Variants in CD177 observed in about 807,000 individuals in gnomAD.
The protein encoded by CD177 is CD177 molecule.
In CD177, 41 loss-of-function variants were observed where a neutral mutation model predicts 38.1. That is an observed-to-expected ratio of 1.07 (90% CI 0.84 to 1.39). CD177 has a LOEUF of 1.39. CD177 is among the 40% of genes most tolerant of loss of function. CD177 has a pLI of 0.00. For synonymous variants in CD177, 236 were observed against 216.7 expected (o/e 1.09, Z -0.78); for missense variants, 619 against 523.8 (o/e 1.18, Z -1.77).
In CD177 at chr19:43,353,969, G is replaced by C. The variant is rs929905307; in HGVS notation, c.169G>C (p.Asp57His). The C allele has an allele frequency of 1.2e-6, 2 of 1,613,848 alleles. No homozygotes were observed. The highest frequency in any genetic ancestry group is 1.7e-6 in the Non-Finnish European group (2 of 1,179,820). Residue 57 changes from aspartate (D) to histidine (H), a missense_variant, in exon 2 of 9, where the codon GAC becomes CAC. Physicochemically the swap from Asp to His is moderately conservative, Grantham distance 81 (BLOSUM62 -1). Transcript: ENST00000618265. ...TSCDSGLGCQ[D>H]TLMLIESGPQ... ...CTGCGACAGCGGCTTGGGGTGCCAG[G>C]ACACGTTGATGCTCATTGAGAGCGG...
intron 3 of CD177, among the ~76,000 whole-genome samples, chr19:43,355,096 T>C (rs1969905208): frequency 1.2e-5 from 1 of 86,302 alleles, no homozygotes; most frequent in Admixed American, 1.5e-4. Context: ...CACCCCCCCT[T>C]TTCTTTTCTT....
chr19:43,355,631 G>GC (rs1969917187), intron 3 of CD177, 30 bp from the exon 4 acceptor site: 1 of 1,611,558 alleles, frequency 6.2e-7, no homozygotes, highest in Admixed American at 1.7e-5. Context: ...CCCTCTCAGT[G>GC]CCCCCTCACT....
At chr19:43,361,693 G>A (rs1301171934) in intron 8 of CD177, 114 bp downstream of exon 8, 27 of 1,125,480 alleles carry the variant, frequency 2.4e-5, no homozygotes, top group Non-Finnish European at 3.2e-5. Context: ...GAGGCGCTGG[G>A]GGCCTGGACT....
rs747296019 is a variant in CD177 at position 43,354,393 on chromosome 19, G to T, written c.379+1G>T. On this transcript the variant is annotated splice_donor_variant, in intron 3 of 8. Coordinates refer to ENST00000618265, the MANE Select transcript of CD177 (RefSeq NM_020406.4). LOFTEE classifies it high-confidence loss of function. Reference sequence around the variant, plus strand: ...CTTTGGGCCCCACAGCCCCCAGCAGGTGCCTGCGGGAGGGTCGGGAGGAGA... The same window carrying T: ...CTTTGGGCCCCACAGCCCCCAGCAGTTGCCTGCGGGAGGGTCGGGAGGAGA... 3 of 1,613,776 alleles carry T rather than the reference G, an allele frequency of 1.9e-6. No individual in the cohort carries two copies. Among genetic ancestry groups the T allele is most frequent in the Non-Finnish European group, 2.5e-6 (3 of 1,179,834 alleles).
At chr19:43,361,961 G>A (rs1281932626) in intron 8 of CD177, 127 bp from the exon 9 acceptor site, 45 of 743,694 alleles carry the variant, frequency 6.1e-5, no homozygotes, top group Middle Eastern at 2.8e-4. Context: ...CCCTGGGTCT[G>A]AGGAGCTGGA....
At chr19:43,360,870 G>T in intron 6 of CD177, 2 of 561,026 alleles carry the variant, frequency 3.6e-6, no homozygotes, top group South Asian at 4.6e-5. Context: ...GATAGGAAAA[G>T]TGAGGGGAAG....
At chr19:43,363,595 T>C (rs960544866), downstream of CD177, among the ~76,000 whole-genome samples, 7 of 152,138 alleles carry the variant, frequency 4.6e-5, no homozygotes, top group Non-Finnish European at 1.0e-4. Context: ...AGGTTCCCCA[T>C]TGACTGAACC....
At chr19:43,356,255 G>C in intron 5 of CD177, 147 bp downstream of exon 5, 1 of 232,288 alleles carries the variant, frequency 4.3e-6, no homozygotes, top group Non-Finnish European at 7.6e-6. Context: ...AGGCAACAGT[G>C]AGTGCTGGGG....
intron 8 of CD177, 74 bp downstream of exon 8, chr19:43,361,653 C>A: frequency 6.9e-7 from 1 of 1,458,538 alleles, no homozygotes; most frequent in Admixed American, 2.0e-5. Flanking sequence ...GGAGGAGGGG[C>A]TGGGGGCCTG....
Position 43,362,346 on chromosome 19 carries a change from C to G in CD177, c.*26C>G. The stretch of plus-strand genomic sequence containing the variant: ...CTCTATTACCCCCACGATTCTTCAC[C>G]GCTGCTGACCACCCACACTCAACCT... On this transcript the variant is annotated 3_prime_UTR_variant, in exon 9 of 9. Transcript: ENST00000618265. 9.2e-7 allele frequency: 1 copy of G among 1,081,764 alleles called. No individual in the cohort carries two copies. Among genetic ancestry groups the G allele is most frequent in the Non-Finnish European group, 1.4e-6 (1 of 740,548 alleles). 67.0% of individuals were successfully genotyped at this position (1,081,764 alleles called of 1,614,324 possible). A position where few individuals can be genotyped will look rare whatever the true frequency, so the allele number is the denominator to read the frequency against.
At position 43,355,665 on chromosome 19, in the gene CD177, A is replaced by C; in HGVS notation, c.384A>C (p.Pro128=). ...CTCTGTCTGTCACTTTCCTAGACCC[A>C]GGATCCTTGAGGTGCCCAGTCTGCT... ...PLWAPQPPAD[P]GSLRCPVCLS... The change falls in exon 4 of 9, where the codon CCA becomes CCC. Residue 128 remains proline (P), a synonymous_variant. Coordinates refer to ENST00000618265, the MANE Select transcript of CD177 (RefSeq NM_020406.4). The C allele has an allele frequency of 6.2e-7, 1 of 1,612,482 alleles. No individual in the cohort carries two copies. The highest frequency in any genetic ancestry group is 8.5e-7 in the Non-Finnish European group (1 of 1,179,138).
At position 43,354,103 on chromosome 19, in the gene CD177, T is replaced by C. The variant is rs1293716239; in HGVS notation, c.194-104T>C. On this transcript the variant is annotated intron_variant, in intron 2 of 8. Transcript: ENST00000618265. ...GGGGGATCGACTCCTAGGGTCCCGG[T>C]GATCCCCTTTCCAGCCTCTCAGCCT... 6 of 1,560,688 alleles carry C rather than the reference T, an allele frequency of 3.8e-6. No homozygotes were observed. The Admixed American group carries it at 1.1e-4, about 28-fold the overall frequency.
chr19:43,361,109 C>T (rs548503009), intron 6 of CD177, 34 bp from the exon 7 acceptor site: 26 of 1,151,154 alleles, frequency 2.3e-5, no homozygotes, highest in African/African-American at 1.3e-4. Context: ...GGGAGCTGCC[C>T]AGTCCCCAGC....
In CD177 at chr19:43,362,314, C is replaced by G. The variant is rs756863098; in HGVS notation, c.1308C>G (p.Ser436=). The change falls in exon 9 of 9, where the codon TCC becomes TCG. Residue 436 remains serine, a synonymous_variant. Transcript: ENST00000618265. ...PALWWGVVCP[S]C ...TGTGGTGGGGAGTGGTTTGCCCTTC[C>G]TGCTAACTCTATTACCCCCACGATT... 18 of 1,475,316 alleles carry G rather than the reference C, an allele frequency of 1.2e-5. 1 individual carries two copies. In the South Asian group the frequency reaches 2.1e-4, roughly 17 times the overall value. The allele number at this position is 1,475,316 out of a possible 1,614,324, so 91.4% of individuals were successfully genotyped here.
At chr19:43,355,347 C>T (rs1328921420) in intron 3 of CD177, among the ~76,000 whole-genome samples, 3 of 151,448 alleles carry the variant, frequency 2.0e-5, no homozygotes, top group East Asian at 1.9e-4. Context: ...CTCCTGACCT[C>T]GTGATCCACC....
rs1485276265 is a variant in CD177, at chr19:43,362,635, G to A, written c.*315G>A. The A allele has an allele frequency of 8.5e-6, 2 of 235,430 alleles. No individual in the cohort carries two copies. Among genetic ancestry groups the A allele is most frequent in the Non-Finnish European group, 1.6e-5 (2 of 122,494 alleles). 14.6% of individuals were successfully genotyped at this position (235,430 alleles called of 1,614,324 possible). On this transcript the variant is annotated 3_prime_UTR_variant, in exon 9 of 9. Transcript: ENST00000618265. ...AGCAGGACACCCAGGGATCTAGCGTGGGGGAGGAGAGGAGCCTAATGAGAA... is the reference window on the plus strand; with the variant it reads ...AGCAGGACACCCAGGGATCTAGCGTAGGGGAGGAGAGGAGCCTAATGAGAA...
At position 43,361,538 on chromosome 19, in the gene CD177, G is replaced by T; in HGVS notation, c.1040G>T (p.Gly347Val). Residue 347 changes from glycine to valine, a missense_variant, in exon 8 of 9, where the codon GGC (glycine) becomes GTC (valine). Gly to Val is a moderately radical substitution (Grantham distance 109, BLOSUM62 -3). Coordinates refer to ENST00000618265, the MANE Select transcript of CD177 (RefSeq NM_020406.4). ...SGSPRMTCPR[G>V]ATHCYDGYIH... ...TCCCCCCGAATGACCTGCCCCAGGG[G>T]CGCCACTCATTGTTATGATGGGTAC... The T allele has an allele frequency of 6.3e-7, 1 of 1,586,928 alleles. No homozygotes were observed. The highest frequency in any genetic ancestry group is 1.1e-5 in the South Asian group (1 of 87,680).
chr19:43,362,336 G>C lies in CD177; in HGVS notation c.*16G>C, dbSNP rs374251486. On this transcript the variant is annotated 3_prime_UTR_variant, in exon 9 of 9. Coordinates refer to ENST00000618265, the MANE Select transcript of CD177 (RefSeq NM_020406.4). ...TTCCTGCTAACTCTATTACCCCCAC[G>C]ATTCTTCACCGCTGCTGACCACCCA... 24 of 1,244,094 alleles carry C rather than the reference G, an allele frequency of 1.9e-5. No individual in the cohort carries two copies. The highest frequency in any genetic ancestry group is 1.9e-4 in the African/African-American group (13 of 68,020). 77.1% of individuals were successfully genotyped at this position (1,244,094 alleles called of 1,614,324 possible). A position where few individuals can be genotyped will look rare whatever the true frequency, so the allele number is the denominator to read the frequency against.
chr19:43,354,526 C>A (rs1253357904), intron 3 of CD177, 134 bp downstream of exon 3: 2 of 880,224 alleles, frequency 2.3e-6, no homozygotes, highest in Middle Eastern at 3.4e-4. Flanking sequence ...CCTCCCCTGA[C>A]TGCTCCCTGA....
Sources: allele counts gnomAD v4.1 joint callset (sites outside exome capture counted in the v4.1 genomes callset), GRCh38; gene constraint gnomAD v4.1.1; transcripts MANE v1.5; gene names NCBI Gene and HGNC (gene_info 2026-07-23, HGNC 2026-07-21).